The following KRT40 variants were observed in gnomAD, a reference collection of about 807,000 sequenced individuals.
KRT40 encodes the protein keratin, type I cytoskeletal 40.
A neutral mutation model predicts 43.5 loss-of-function variants in KRT40; 47 were observed. That is an observed-to-expected ratio of 1.08 (90% confidence interval 0.86 to 1.38). The LOEUF (loss-of-function observed/expected upper bound fraction) is 1.38, where lower values mean the gene tolerates loss of function less well. KRT40 is among the 40% of genes most tolerant of loss of function. KRT40 has a pLI of 0.00. For missense variants in KRT40, 573 were observed against 523.6 expected, an observed-to-expected ratio of 1.09 and a Z score of -0.92; for synonymous variants, 212 against 214.0, an observed-to-expected ratio of 0.99 and a Z score of 0.08.
upstream of KRT40, among the ~76,000 whole-genome samples, chr17:40,985,490 A>G (rs1302314150): frequency 6.6e-6 from 1 of 152,160 alleles, no homozygotes. Context: ...ACATTATAGG[A>G]AAAAAACAGA....
chr17:40,987,129 C>T (rs1415947742), upstream of KRT40: 2 of 152,222 alleles, frequency 1.3e-5, no homozygotes, highest in Non-Finnish European at 2.9e-5. Flanking sequence ...CGCATCTCTG[C>T]TATAGCAGTT....
chr17:40,983,236 G>C (rs1912281536), intron 1 of KRT40, 108 bp from the exon 2 acceptor site: 1 of 541,140 alleles, frequency 1.8e-6, no homozygotes, highest in African/African-American at 2.0e-5. Flanking sequence ...TTATAAGAAA[G>C]TATAAAATCA....
At chr17:40,986,195 G>C (rs968555290), upstream of KRT40, 1 of 152,358 alleles carries the variant, frequency 6.6e-6, no homozygotes, top group Non-Finnish European at 1.5e-5. Flanking sequence ...CAGCGCACCA[G>C]TATGGCACAT....
At chr17:40,983,701 A>C (rs1013672262) in intron 1 of KRT40, 126 bp downstream of exon 1, 2 of 870,314 alleles carry the variant, frequency 2.3e-6, no homozygotes, top group East Asian at 2.4e-5. Flanking sequence ...GCTCTCCCCT[A>C]TGTATCACTA....
chr17:40,979,001 C>T lies in KRT40; in HGVS notation c.999G>A (p.Val333=), dbSNP rs751874232. The T allele has an allele frequency of 6.2e-7, 1 of 1,613,988 alleles. No individual in the cohort carries two copies. The highest frequency in any genetic ancestry group is 1.1e-5 in the South Asian group (1 of 91,070). ...QSLTESLECT[V]AETEAQYSSQ... is the part of the protein sequence containing the mutation. ...AGCTGTACTGGGCCTCGGTTTCTGC[C>T]ACGGTGCATTCCAGAGATTCTGTCT... Residue 333 remains valine, a synonymous_variant, in exon 6 of 7, where the codon GTG becomes GTA. Coordinates refer to ENST00000377755, the MANE Select transcript of KRT40 (RefSeq NM_001389244.1).
At position 40,980,987 on chromosome 17, in the gene KRT40, G is replaced by A. The variant is rs200152103; in HGVS notation, c.849+3C>T. The A allele has an allele frequency of 6.2e-7, 1 of 1,614,236 alleles. No homozygotes were observed. Among genetic ancestry groups the A allele is most frequent in the African/African-American group, 1.3e-5 (1 of 75,058 alleles). On this transcript the variant is annotated splice_donor_region_variant and intron_variant, in intron 4 of 6. Coordinates refer to ENST00000377755, the MANE Select transcript of KRT40 (RefSeq NM_001389244.1). Reference sequence around the variant, plus strand: ...CTGACATTTTTTCAATCTGGGTACTGACCTGAACAGCCAACCATTCTTCAG... The same window carrying A: ...CTGACATTTTTTCAATCTGGGTACTAACCTGAACAGCCAACCATTCTTCAG...
intron 5 of KRT40, among the ~76,000 whole-genome samples, chr17:40,980,471 C>A: frequency 6.6e-6 from 1 of 152,176 alleles, no homozygotes; most frequent in African/African-American, 2.4e-5. Flanking sequence ...GCCTGGAAAA[C>A]TGGCCTGAAT....
chr17:40,986,829 AAATAC>A (rs796521095), upstream of KRT40: 9 of 152,248 alleles, frequency 5.9e-5, no homozygotes, highest in African/African-American at 2.2e-4. Flanking sequence ...CATTTTCCTA[AAATAC>A]AAACCTGCTT....
At chr17:40,982,224 C>A (rs11078973) in intron 3 of KRT40, 83 bp downstream of exon 3, 15 of 1,293,610 alleles carry the variant, frequency 1.2e-5, no homozygotes, top group Admixed American at 5.4e-5. Context: ...TGCCCAAATT[C>A]GATTTACAAA....
chr17:40,978,417 G>T, intron 6 of KRT40, 121 bp from the exon 7 acceptor site: 1 of 759,916 alleles, frequency 1.3e-6, no homozygotes, highest in Non-Finnish European at 2.3e-6. Flanking sequence ...CTGCACAATA[G>T]CATTGACTGA....
At chr17:40,986,449 G>A (rs1597924539), upstream of KRT40, 1 of 152,302 alleles carries the variant, frequency 6.6e-6, no homozygotes, top group East Asian at 1.9e-4. Context: ...TCAGCACACA[G>A]TACAAGCACC....
At position 40,984,050 on chromosome 17, in the gene KRT40, C is replaced by A; in HGVS notation, c.224G>T (p.Gly75Val). ...TGSCNSPCLV[G>V]NCAWCEDGVF... is the part of the protein sequence containing the mutation. ...CCCATCCTCACACCAGGCACAGTTC[C>A]CCACCAAGCAGGGACTATTACAACT... The change falls in exon 1 of 7, where the codon GGG becomes GTG. Residue 75 changes from glycine to valine, a missense_variant. Coordinates refer to ENST00000377755, the MANE Select transcript of KRT40 (RefSeq NM_001389244.1). The A allele has an allele frequency of 6.2e-7, 1 of 1,614,100 alleles. No individual in the cohort carries two copies. The highest frequency in any genetic ancestry group is 8.5e-7 in the Non-Finnish European group (1 of 1,180,034).
rs778765320 is a variant in KRT40, at chr17:40,978,161, G to A, written c.*36C>T. 1 of 1,497,600 alleles carries A rather than the reference G, an allele frequency of 6.7e-7. No homozygotes were observed. The highest frequency in any genetic ancestry group is 9.3e-7 in the Non-Finnish European group (1 of 1,075,926). The allele number at this position is 1,497,600 out of a possible 1,614,324, so 92.8% of individuals were successfully genotyped here. A position where few individuals can be genotyped will look rare whatever the true frequency, so the allele number is the denominator to read the frequency against. ...AGCCCCATCTCCTTTCTAGGATGCTGCTGGCTTTGATTCCTCTACCTGCTG... is the reference window on the plus strand; with the variant it reads ...AGCCCCATCTCCTTTCTAGGATGCTACTGGCTTTGATTCCTCTACCTGCTG... On this transcript the variant is annotated 3_prime_UTR_variant, in exon 7 of 7. Coordinates refer to ENST00000377755, the MANE Select transcript of KRT40 (RefSeq NM_001389244.1).
rs373307099 is a variant in KRT40, at chr17:40,984,190, G to C, written c.84C>G (p.Ser28=). The C allele has an allele frequency of 1.1e-5, 17 of 1,613,914 alleles. No individual in the cohort carries two copies. In the African/African-American group the frequency reaches 2.3e-4, roughly 22 times the overall value. The change falls in exon 1 of 7, where the codon TCC becomes TCG. Residue 28 remains serine, a synonymous_variant. Transcript: ENST00000377755. ...ASGCAPASSC[S]VETACLPGTC... ...TACCGGGGAGACAAGCTGTTTCCAC[G>C]GAGCAGCTTGAGGCAGGTGCACAAC...
chr17:40,985,375 C>G (rs1912421713), upstream of KRT40, among the ~76,000 whole-genome samples: 1 of 152,092 alleles, frequency 6.6e-6, no homozygotes, highest in Non-Finnish European at 1.5e-5. Flanking sequence ...TTGGATTTCA[C>G]CTCCATTGTG....
At chr17:40,980,589 C>T (rs544623456) in intron 5 of KRT40, among the ~76,000 whole-genome samples, 196 bp downstream of exon 5, 32 of 152,300 alleles carry the variant, frequency 2.1e-4, no homozygotes, top group Middle Eastern at 3.4e-3. Flanking sequence ...CAGCATCAGA[C>T]TCAAGCCCAG....
chr17:40,978,133 T>C lies in KRT40; in HGVS notation c.*64A>G. The C allele has an allele frequency of 7.9e-7, 1 of 1,259,736 alleles. No homozygotes were observed. Among genetic ancestry groups the C allele is most frequent in the Non-Finnish European group, 1.2e-6 (1 of 862,700 alleles). The allele number at this position is 1,259,736 out of a possible 1,614,324, so 78.0% of individuals were successfully genotyped here. On this transcript the variant is annotated 3_prime_UTR_variant, in exon 7 of 7. Transcript: ENST00000377755. ...TGCTTCCGGTTTGGATGTCCCTGGT[T>C]GAAGCCCCATCTCCTTTCTAGGATG...
At chr17:40,982,837 C>G (rs1323430360) in intron 2 of KRT40, among the ~76,000 whole-genome samples, 1 of 152,088 alleles carries the variant, frequency 6.6e-6, no homozygotes, top group Non-Finnish European at 1.5e-5. Flanking sequence ...AACCCTGTCT[C>G]TACTAAAAAT....
At chr17:40,982,236 A>G in intron 3 of KRT40, 71 bp downstream of exon 3, 1 of 1,351,834 alleles carries the variant, frequency 7.4e-7, no homozygotes, top group Non-Finnish European at 9.8e-7. Context: ...ATTTACAAAC[A>G]TCAACAGATC....
Sources: gnomAD v4.1 joint callset for allele counts (sites outside exome capture counted in the v4.1 genomes callset) on GRCh38, gnomAD v4.1.1 for gene constraint, MANE v1.5 for transcripts, NCBI Gene and HGNC (gene_info 2026-07-23, HGNC 2026-07-21) for gene names.